Variants in C20orf203 observed in about 807,000 individuals in gnomAD.
The protein encoded by C20orf203 is chromosome 20 open reading frame 203, also known as uncharacterized protein C20orf203.
A neutral mutation model predicts 15.9 loss-of-function variants in C20orf203; 16 were observed. The ratio of observed to expected loss-of-function variants is 1.01; its 90% CI spans 0.68 to 1.53. The LOEUF is 1.53. Among genes scored for constraint, C20orf203 ranks in the 40% most tolerant of loss-of-function variants. The pLI, the probability that C20orf203 is intolerant of heterozygous loss-of-function variation, is 0.00. For missense variants in C20orf203, 263 were observed against 247.5 expected, an observed-to-expected ratio of 1.06 and a Z score of -0.42; for synonymous variants, 98 against 97.2, an observed-to-expected ratio of 1.01 and a Z score of -0.05.
Position 32,651,168 on chromosome 20 carries a change from TAAAAAAAAAAAA to T in C20orf203, c.-14-14_-14-3del. 3 of 297,170 alleles carry T rather than the reference TAAAAAAAAAAAA, an allele frequency of 1.0e-5. No individual in the cohort carries two copies. Among genetic ancestry groups the T allele is most frequent in the African/African-American group, 3.7e-5 (1 of 27,240 alleles). 18.4% of individuals were successfully genotyped at this position (297,170 alleles called of 1,614,324 possible). On this transcript the variant is annotated splice_polypyrimidine_tract_variant and splice_region_variant and intron_variant, in intron 2 of 5. Transcript: ENST00000608990. ...TAGGAAACATAGGAGACCCTCTCTC[TAAAAAAAAAAAA>T]AAAAAAAAAAAAATTAGCTGGGTGT... is the stretch of plus-strand genomic sequence containing the variant.
At chr20:32,636,553 C>T (rs1982142944) in intron 5 of C20orf203, among the ~76,000 whole-genome samples, 1 of 152,196 alleles carries the variant, frequency 6.6e-6, no homozygotes, top group Non-Finnish European at 1.5e-5. Context: ...ACAGTCAGCA[C>T]AGCCCCTCTG....
rs138123346 is a variant in C20orf203 at position 32,639,951 on chromosome 20, C to T, written c.*1299+615G>A. ...GTTGGGGTCTGTACCATGTGCCGTTCGTGGGCGGCCTGCTTCCTTTCATTC... is the reference window on the plus strand; with the variant it reads ...GTTGGGGTCTGTACCATGTGCCGTTTGTGGGCGGCCTGCTTCCTTTCATTC... On this transcript the variant is annotated intron_variant, in intron 5 of 5. Transcript: ENST00000608990. 3.1e-3 allele frequency among the ~76,000 whole-genome samples: 469 copies of T among 152,298 alleles called. 2 individuals carry two copies. The highest frequency in any genetic ancestry group is 0.01 in the African/African-American group (419 of 41,550).
At chr20:32,653,375 G>A (rs1443932775) in intron 1 of C20orf203, among the ~76,000 whole-genome samples, 1 of 152,086 alleles carries the variant, frequency 6.6e-6, no homozygotes, top group East Asian at 1.9e-4. Context: ...GAGTGTCCAG[G>A]GCTCACTCCC....
chr20:32,666,308 A>G (rs2145682015), intron 1 of C20orf203, among the ~76,000 whole-genome samples: 1 of 151,676 alleles, frequency 6.6e-6, no homozygotes, highest in East Asian at 1.9e-4. Flanking sequence ...CTCTACAAAA[A>G]ATACAAAAAT....
intron 1 of C20orf203, among the ~76,000 whole-genome samples, chr20:32,663,325 G>GAAA: frequency 8.0e-6 from 1 of 125,662 alleles, no homozygotes; most frequent in Non-Finnish European, 1.8e-5. Context: ...AAGAGAATGA[G>GAAA]AAAAAAAAAA....
At chr20:32,637,030 C>T (rs1240805891) in intron 5 of C20orf203, among the ~76,000 whole-genome samples, 2 of 152,222 alleles carry the variant, frequency 1.3e-5, no homozygotes, top group Non-Finnish European at 2.9e-5. Flanking sequence ...CTCTCTACCT[C>T]CCCAACCCTG....
chr20:32,668,635 T>A (rs1055372111), intron 1 of C20orf203, among the ~76,000 whole-genome samples: 10 of 149,020 alleles, frequency 6.7e-5, no homozygotes, highest in Non-Finnish European at 1.5e-4. Context: ...CAAAAAAAAA[T>A]AAATAAAAAA....
At chr20:32,669,875 G>C (rs1039729859) in intron 1 of C20orf203, among the ~76,000 whole-genome samples, 1 of 152,170 alleles carries the variant, frequency 6.6e-6, no homozygotes, top group Non-Finnish European at 1.5e-5. Flanking sequence ...TACTGAATGG[G>C]AGAAAATATT....
intron 1 of C20orf203, among the ~76,000 whole-genome samples, chr20:32,662,884 TAA>T (rs549813618): frequency 2.7e-5 from 3 of 111,048 alleles, no homozygotes; most frequent in Admixed American, 1.1e-4. Context: ...TCTGTCTCTA[TAA>T]AAAAAAAAAA....
At chr20:32,653,548 G>A (rs1205984486) in intron 1 of C20orf203, among the ~76,000 whole-genome samples, 1 of 152,172 alleles carries the variant, frequency 6.6e-6, no homozygotes, top group Non-Finnish European at 1.5e-5. Flanking sequence ...AGAACTGAGG[G>A]TGTAAACCAG....
intron 1 of C20orf203, among the ~76,000 whole-genome samples, chr20:32,663,164 G>A (rs995461050): frequency 6.6e-6 from 1 of 151,736 alleles, no homozygotes; most frequent in Non-Finnish European, 1.5e-5. Context: ...TGGCCAGGGT[G>A]GTCTTAAACT....
intron 1 of C20orf203, among the ~76,000 whole-genome samples, chr20:32,670,568 T>A (rs1232317389): frequency 2.6e-5 from 4 of 152,016 alleles, no homozygotes; most frequent in African/African-American, 9.7e-5. Context: ...GCACAGTGGT[T>A]CACACCTGTA....
Position 32,661,037 on chromosome 20 carries a change from G to A in C20orf203, c.-263-9056C>T, listed in dbSNP as rs141246820. The stretch of plus-strand genomic sequence containing the variant: ...TATAATTCAAGATGATATTTGTGTG[G>A]GGACACAGCCAAACCATATCAAGGA... On this transcript the variant is annotated intron_variant, in intron 1 of 5. Coordinates refer to ENST00000608990, the MANE Select transcript of C20orf203 (RefSeq NM_182584.4). 3.3e-3 allele frequency among the ~76,000 whole-genome samples: 495 copies of A among 152,286 alleles called. 4 individuals are homozygous for A. The highest frequency in any genetic ancestry group is 4.2e-3 in the Non-Finnish European group (283 of 68,028).
chr20:32,654,447 C>T (rs953616828), intron 1 of C20orf203, among the ~76,000 whole-genome samples: 1 of 152,188 alleles, frequency 6.6e-6, no homozygotes, highest in African/African-American at 2.4e-5. Context: ...AACACAATCT[C>T]CATCAAAATT....
At chr20:32,647,494 A>G (rs1432372990) in intron 4 of C20orf203, among the ~76,000 whole-genome samples, 1 of 152,106 alleles carries the variant, frequency 6.6e-6, no homozygotes, top group Non-Finnish European at 1.5e-5. Flanking sequence ...ACTTGAGGCC[A>G]GGAGTTCCAA....
chr20:32,641,333 CAAA>C (rs71338447), intron 4 of C20orf203, among the ~76,000 whole-genome samples: 4 of 56,996 alleles, frequency 7.0e-5, no homozygotes, highest in African/African-American at 1.4e-4. Context: ...CTCAAAAACT[CAAA>C]AAAAAAAAAA....
At chr20:32,673,381 C>T (rs1321010713) in intron 1 of C20orf203, among the ~76,000 whole-genome samples, 1 of 152,080 alleles carries the variant, frequency 6.6e-6, no homozygotes, top group Non-Finnish European at 1.5e-5. Flanking sequence ...AAGTGGCTGG[C>T]GCCTCAGCCA....
At chr20:32,642,515 G>A (rs1333757294) in intron 4 of C20orf203, among the ~76,000 whole-genome samples, 1 of 152,244 alleles carries the variant, frequency 6.6e-6, no homozygotes, top group African/African-American at 2.4e-5. Flanking sequence ...GGCGCGGCGA[G>A]AGGCCACCAG....
intron 1 of C20orf203, among the ~76,000 whole-genome samples, chr20:32,667,452 G>A (rs1465209042): frequency 6.6e-6 from 1 of 152,208 alleles, no homozygotes; most frequent in East Asian, 1.9e-4. Context: ...CAGTGAGACA[G>A]GGAGGCAGGC....
Sources: allele counts gnomAD v4.1 joint callset (sites outside exome capture counted in the v4.1 genomes callset), GRCh38; gene constraint gnomAD v4.1.1; transcripts MANE v1.5; gene names NCBI Gene and HGNC (gene_info 2026-07-23, HGNC 2026-07-21).